EIF2A: variants seen among roughly 807,000 people sequenced by gnomAD.
EIF2A encodes the protein eukaryotic translation initiation factor 2A.
Under a neutral mutation model 75.2 loss-of-function variants are expected in EIF2A, and 62 were observed. The observed-to-expected ratio is 0.82, with a 90% CI of 0.67 to 1.02. The LOEUF is 1.02. Ranked by LOEUF, EIF2A falls within the 50% of genes least tolerant of loss-of-function variation. EIF2A has a pLI of 0.00. For synonymous variants in EIF2A, 207 were observed against 239.0 expected (o/e 0.87, Z 1.23); for missense variants, 611 against 677.7 (o/e 0.90, Z 1.09).
intron 9 of EIF2A, among the ~76,000 whole-genome samples, chr3:150,571,671 T>C (rs1724531321): frequency 6.6e-6 from 1 of 152,190 alleles, no homozygotes; most frequent in Admixed American, 6.5e-5. Context: ...CATCTGCACG[T>C]ATTACCCCTT....
chr3:150,564,090 A>T (rs1156736132), intron 5 of EIF2A, among the ~76,000 whole-genome samples: 1 of 152,176 alleles, frequency 6.6e-6, no homozygotes, highest in African/African-American at 2.4e-5. Flanking sequence ...AAGTGCTGGG[A>T]TTGCAGGTGT....
At chr3:150,563,097 T>C (rs1723978644) in intron 4 of EIF2A, among the ~76,000 whole-genome samples, 2 of 152,152 alleles carry the variant, frequency 1.3e-5, no homozygotes. Context: ...TTTAAAGAGA[T>C]ACTTAATGAT....
chr3:150,565,547 C>A (rs754698313), intron 6 of EIF2A, among the ~76,000 whole-genome samples: 15 of 152,280 alleles, frequency 9.9e-5, no homozygotes, highest in Middle Eastern at 3.4e-3. Flanking sequence ...TAGCAACCTT[C>A]ATTGTAACCA....
chr3:150,562,564 A>G lies in EIF2A; in HGVS notation c.196A>G (p.Asn66Asp). 1 of 1,613,132 alleles carries G rather than the reference A, an allele frequency of 6.2e-7. No homozygotes were observed. Among genetic ancestry groups the G allele is most frequent in the African/African-American group, 1.3e-5 (1 of 75,022 alleles). ...GEKVNIISVTNKGLLHSFDLL... is the reference protein window; with the variant it reads ...GEKVNIISVTDKGLLHSFDLL... ...CAGAGTAAATATTATCAGTGTCACTAACAAGGGACTACTGCACTCCTTCGA... is the reference window on the plus strand; with the variant it reads ...CAGAGTAAATATTATCAGTGTCACTGACAAGGGACTACTGCACTCCTTCGA... Residue 66 changes from asparagine (N) to aspartate (D), a missense_variant, in exon 4 of 14, where the codon AAC becomes GAC. Transcript: ENST00000460851.
chr3:150,562,370 C>T (rs1486223872), intron 3 of EIF2A, among the ~76,000 whole-genome samples, 172 bp from the exon 4 acceptor site: 1 of 151,000 alleles, frequency 6.6e-6, no homozygotes, highest in African/African-American at 2.4e-5. Flanking sequence ...TGCAGTGAGC[C>T]GAGATTGCGC....
Position 150,568,160 on chromosome 3 carries a change from GT to G in EIF2A, c.695-11del. 6.2e-7 allele frequency: 1 copy of G among 1,607,068 alleles called. No individual in the cohort carries two copies. The highest frequency in any genetic ancestry group is 1.7e-5 in the Admixed American group (1 of 58,034). On this transcript the variant is annotated splice_polypyrimidine_tract_variant and intron_variant, in intron 8 of 13. Transcript: ENST00000460851. ...CATTTGTGTTTTAAATCTAATTAAA[GT>G]TTTTACTGTTATAGCTACTGCTGTG...
chr3:150,560,716 C>CTTTTTTTTTTTTTT (rs71138455), intron 3 of EIF2A, among the ~76,000 whole-genome samples: 2 of 120,680 alleles, frequency 1.7e-5, no homozygotes, highest in Admixed American at 8.8e-5. Context: ...GATGGAGAGT[C>CTTTTTTTTTTTTTT]TTTTTTTTTT....
intron 10 of EIF2A, 71 bp from the exon 11 acceptor site, chr3:150,575,578 A>G (rs886219545): frequency 9.1e-7 from 1 of 1,102,414 alleles, no homozygotes; most frequent in Admixed American, 2.8e-5. Flanking sequence ...TATTAGCAGA[A>G]GTGTATAATT....
At chr3:150,559,839 T>A (rs1352603548) in intron 3 of EIF2A, among the ~76,000 whole-genome samples, 2 of 152,058 alleles carry the variant, frequency 1.3e-5, no homozygotes, top group Non-Finnish European at 2.9e-5. Flanking sequence ...TTATAATGAG[T>A]CTTATCTACA....
At chr3:150,561,470 C>T (rs1034931807) in intron 3 of EIF2A, among the ~76,000 whole-genome samples, 7 of 152,160 alleles carry the variant, frequency 4.6e-5, no homozygotes, top group East Asian at 1.9e-4. Context: ...CCCAGCTACT[C>T]GGGAGGCTTA....
chr3:150,573,880 A>G (rs1724692075), intron 10 of EIF2A, among the ~76,000 whole-genome samples: 2 of 152,078 alleles, frequency 1.3e-5, no homozygotes, highest in South Asian at 4.1e-4. Context: ...CTTAAAGAAT[A>G]TTTATTAGCT....
chr3:150,580,413 T>C (rs886963243), intron 11 of EIF2A, among the ~76,000 whole-genome samples: 1 of 152,138 alleles, frequency 6.6e-6, no homozygotes, highest in African/African-American at 2.4e-5. Flanking sequence ...ATAAAAGATA[T>C]GTGAATATGG....
chr3:150,578,941 G>A (rs1027336019), intron 11 of EIF2A, among the ~76,000 whole-genome samples: 20 of 152,154 alleles, frequency 1.3e-4, no homozygotes, highest in Non-Finnish European at 2.8e-4. Context: ...TACCAAAAAA[G>A]AGTTGAAACA....
intron 2 of EIF2A, among the ~76,000 whole-genome samples, chr3:150,553,075 G>A (rs1210252433): frequency 6.6e-6 from 1 of 152,120 alleles, no homozygotes; most frequent in African/African-American, 2.4e-5. Flanking sequence ...CCAGCACTAT[G>A]GGAGGCCAAG....
chr3:150,556,411 T>TA (rs1723573930), intron 2 of EIF2A, among the ~76,000 whole-genome samples: 1 of 152,286 alleles, frequency 6.6e-6, no homozygotes, highest in South Asian at 2.1e-4. Context: ...GGGGAGCTGT[T>TA]AAAAAACCCA....
Position 150,566,052 on chromosome 3 carries a change from C to G in EIF2A, c.476-1641C>G, listed in dbSNP as rs145692943. The G allele has an allele frequency of 2.0e-5, 3 of 152,320 alleles. No individual in the cohort carries two copies. In the East Asian group the frequency reaches 5.8e-4, roughly 30 times the overall value. The allele number at this position is 152,320 out of a possible 1,614,324, so 9.4% of individuals were successfully genotyped here. On this transcript the variant is annotated intron_variant, in intron 6 of 13. Transcript: ENST00000460851. ...TCAGGTGATCCACCTGCCTCACCCT[C>G]CCAAAGTGCTGGCATTACAGGCGTG...
At chr3:150,547,068 ATCT>A (rs1195972094) in intron 1 of EIF2A, 7 of 575,454 alleles carry the variant, frequency 1.2e-5, no homozygotes, top group African/African-American at 7.5e-5. Flanking sequence ...CTGCGGATTC[ATCT>A]TCTACAGAAA....
chr3:150,560,573 T>A (rs1360856505), intron 3 of EIF2A, among the ~76,000 whole-genome samples: 1 of 152,220 alleles, frequency 6.6e-6, no homozygotes, highest in Admixed American at 6.5e-5. Context: ...TTGTAAAGAT[T>A]TCCATGTTAG....
chr3:150,572,580 A>C, intron 10 of EIF2A, 51 bp downstream of exon 10: 1 of 1,523,022 alleles, frequency 6.6e-7, no homozygotes, highest in South Asian at 1.3e-5. Context: ...TTGGGCCAGG[A>C]GTGGTGGTTC....
Sources: gnomAD v4.1 joint callset for allele counts (sites outside exome capture counted in the v4.1 genomes callset) on GRCh38, gnomAD v4.1.1 for gene constraint, MANE v1.5 for transcripts, NCBI Gene and HGNC (gene_info 2026-07-23, HGNC 2026-07-21) for gene names.